RANBP2: variants seen among roughly 807,000 people sequenced by gnomAD.
RANBP2 encodes RAN binding protein 2.
In RANBP2, 57 loss-of-function variants were observed where a neutral mutation model predicts 303.6. The ratio of observed to expected loss-of-function variants is 0.19; its 90% confidence interval spans 0.15 to 0.23. The LOEUF (loss-of-function observed/expected upper bound fraction) is 0.23, where lower values mean the gene tolerates loss of function less well. Among genes scored for constraint, RANBP2 ranks in the 10% least tolerant of loss-of-function variants. RANBP2 has a pLI of 1.00. For synonymous variants in RANBP2, 1,167 were observed against 1,301.5 expected (o/e 0.90, Z 2.23); for missense variants, 3,138 against 3,780.8 (o/e 0.83, Z 4.46).
chr2:109,765,494 G>A, the RANBP2 span, among the ~76,000 whole-genome samples: 1 of 150,342 alleles, frequency 6.7e-6, no homozygotes, highest in African/African-American at 2.4e-5. Context: ...AGGAGAATAA[G>A]CCATACCCAT....
At chr2:108,996,179 C>T in the RANBP2 span, among the ~76,000 whole-genome samples, 1 of 152,120 alleles carries the variant, frequency 6.6e-6, no homozygotes, top group East Asian at 1.9e-4. Flanking sequence ...GTGAGAGTTC[C>T]CTGCTGCCTA....
At chr2:108,929,172 G>T in the RANBP2 span, 1 of 1,613,392 alleles carries the variant, frequency 6.2e-7, no homozygotes, top group Admixed American at 1.7e-5. Flanking sequence ...AGCATGCCAG[G>T]GTTTGCCAGG....
chr2:109,507,307 A>G, the RANBP2 span, among the ~76,000 whole-genome samples: 2 of 152,182 alleles, frequency 1.3e-5, no homozygotes, highest in African/African-American at 2.4e-5. Context: ...GGAATCGGTC[A>G]GGACCTTCTA....
chr2:108,849,047 C>G, the RANBP2 span, among the ~76,000 whole-genome samples: 1 of 152,006 alleles, frequency 6.6e-6, no homozygotes, highest in African/African-American at 2.4e-5. Flanking sequence ...AAAAAGACTT[C>G]AATCAGATTT....
the RANBP2 span, among the ~76,000 whole-genome samples, chr2:109,562,397 C>T: frequency 6.6e-6 from 1 of 151,620 alleles, no homozygotes; most frequent in East Asian, 1.9e-4. Flanking sequence ...CTCTTCTTCA[C>T]ATAGGGGTCC....
the RANBP2 span, among the ~76,000 whole-genome samples, chr2:109,441,808 A>G: frequency 6.6e-6 from 1 of 152,198 alleles, no homozygotes; most frequent in African/African-American, 2.4e-5. Context: ...AGAGGACAAA[A>G]AGATACATTA....
the RANBP2 span, among the ~76,000 whole-genome samples, chr2:109,687,401 T>C: frequency 6.6e-6 from 1 of 152,208 alleles, no homozygotes; most frequent in Admixed American, 6.5e-5. Context: ...GTATTTTCCC[T>C]GCCCCATCCC....
the RANBP2 span, among the ~76,000 whole-genome samples, chr2:109,717,289 A>C: frequency 1.3e-5 from 2 of 151,408 alleles, no homozygotes; most frequent in East Asian, 1.9e-4. Flanking sequence ...AAAAAAAAAA[A>C]AACCCAGTTC....
the RANBP2 span, among the ~76,000 whole-genome samples, chr2:109,157,040 G>A: frequency 2.6e-5 from 4 of 152,284 alleles, no homozygotes; most frequent in Admixed American, 6.5e-5. Flanking sequence ...CATAGGATTT[G>A]CATCATCTGA....
intron 24 of RANBP2, 112 bp downstream of exon 24, chr2:108,776,048 G>A (rs1392827758): frequency 2.4e-6 from 2 of 830,010 alleles, no homozygotes; most frequent in Non-Finnish European, 3.8e-6. Context: ...ATTTTGATAT[G>A]TATAAAGGGG....
At chr2:109,683,948 C>T in the RANBP2 span, among the ~76,000 whole-genome samples, 1 of 125,404 alleles carries the variant, frequency 8.0e-6, no homozygotes, top group South Asian at 2.3e-4. Flanking sequence ...GAAGCAAAAC[C>T]CTATTTTTTT....
At chr2:109,488,687 C>T in the RANBP2 span, among the ~76,000 whole-genome samples, 1 of 152,194 alleles carries the variant, frequency 6.6e-6, no homozygotes, top group Non-Finnish European at 1.5e-5. Flanking sequence ...GTGCCGCCAA[C>T]AAGAGTTCTC....
the RANBP2 span, among the ~76,000 whole-genome samples, chr2:109,559,988 T>C: frequency 2.0e-5 from 3 of 149,912 alleles, no homozygotes; most frequent in Non-Finnish European, 4.4e-5. Context: ...TGGCATGATC[T>C]TGGCTCACCG....
chr2:108,858,578 G>C, the RANBP2 span, among the ~76,000 whole-genome samples: 3 of 152,166 alleles, frequency 2.0e-5, no homozygotes, highest in Non-Finnish European at 4.4e-5. Flanking sequence ...CGATTTATTA[G>C]AGCGAGGAAA....
the RANBP2 span, among the ~76,000 whole-genome samples, chr2:109,529,413 C>T: frequency 6.6e-6 from 1 of 152,078 alleles, no homozygotes; most frequent in Non-Finnish European, 1.5e-5. Context: ...CGAGGGAGAG[C>T]CGGGGAGGCC....
chr2:109,321,867 C>T, the RANBP2 span, among the ~76,000 whole-genome samples: 5 of 152,290 alleles, frequency 3.3e-5, no homozygotes, highest in East Asian at 1.9e-4. Context: ...CCAGTGGATT[C>T]CCACTGCTTA....
the RANBP2 span, among the ~76,000 whole-genome samples, chr2:109,094,633 C>T: frequency 1.3e-5 from 2 of 152,182 alleles, no homozygotes; most frequent in Non-Finnish European, 2.9e-5. Context: ...AGTTCAAGAC[C>T]AGCCTGGCCA....
At chr2:109,202,056 C>T in the RANBP2 span, among the ~76,000 whole-genome samples, 3 of 152,190 alleles carry the variant, frequency 2.0e-5, no homozygotes, top group Non-Finnish European at 2.9e-5. Flanking sequence ...GGCTGGGTCT[C>T]GTGACAGCAC....
At chr2:109,047,556 C>T in the RANBP2 span, among the ~76,000 whole-genome samples, 1 of 152,208 alleles carries the variant, frequency 6.6e-6, no homozygotes, top group Non-Finnish European at 1.5e-5. Context: ...TGCCTGTAAT[C>T]CCAGCACTTT....
Sources: allele counts gnomAD v4.1 joint callset (sites outside exome capture counted in the v4.1 genomes callset), GRCh38; gene constraint gnomAD v4.1.1; transcripts MANE v1.5; gene names NCBI Gene and HGNC (gene_info 2026-07-23, HGNC 2026-07-21).